Variants in RBFOX1 observed in about 807,000 individuals in gnomAD.
The protein encoded by RBFOX1 is RNA binding fox-1 homolog 1.
In RBFOX1, 8 loss-of-function variants were observed where a neutral mutation model predicts 57.7. That is an observed-to-expected ratio of 0.14 (90% CI 0.08 to 0.25). The LOEUF is 0.25. Among genes scored for constraint, RBFOX1 ranks in the 10% least tolerant of loss-of-function variants. RBFOX1 has a pLI of 1.00. For synonymous variants in RBFOX1, 326 were observed against 222.4 expected (o/e 1.47, Z -4.15); for missense variants, 611 against 548.5 (o/e 1.11, Z -1.14).
At chr16:6,002,623 A>T (rs111718623) in intron 4 of RBFOX1, among the ~76,000 whole-genome samples, 13 of 152,108 alleles carry the variant, frequency 8.5e-5, no homozygotes, top group African/African-American at 2.9e-4. Context: ...GATCTCTGTC[A>T]CTCTTTCTTC....
intron 1 of RBFOX1, among the ~76,000 whole-genome samples, chr16:5,427,036 C>T (rs79993881): frequency 6.6e-6 from 1 of 152,158 alleles, no homozygotes; most frequent in Non-Finnish European, 1.5e-5. Context: ...GCCACCTCCT[C>T]TGTTTTTTTG....
chr16:7,104,744 A>C (rs1344947198), intron 4 of RBFOX1, among the ~76,000 whole-genome samples: 1 of 152,124 alleles, frequency 6.6e-6, no homozygotes, highest in Non-Finnish European at 1.5e-5. Context: ...CATTTTCTTC[A>C]ACCACTTCAT....
chr16:6,968,076 C>G (rs959807037), intron 3 of RBFOX1, among the ~76,000 whole-genome samples: 1 of 152,110 alleles, frequency 6.6e-6, no homozygotes, highest in Non-Finnish European at 1.5e-5. Context: ...CCCTCGGATG[C>G]ATGAGAGAGC....
At position 6,892,775 on chromosome 16, in the gene RBFOX1, C is replaced by CCTCTCTCTCTCT. The variant is rs750285832; in HGVS notation, c.-15-159241_-15-159230dup. The stretch of plus-strand genomic sequence containing the variant: ...CATATTCTCAAAGCCTCCCTGTCTC[C>CCTCTCTCTCTCT]CTCTCTCTCTCTCTCTCTCTCTCTC... On this transcript the variant is annotated intron_variant, in intron 3 of 15. Transcript: ENST00000550418. Among the ~76,000 whole-genome samples the CCTCTCTCTCTCT allele has an allele frequency of 2.4e-3, 205 of 84,488 alleles. 3 individuals are homozygous for CCTCTCTCTCTCT. The highest frequency in any genetic ancestry group is 4.1e-3 in the African/African-American group (80 of 19,550). 55.4% of individuals were successfully genotyped at this position (84,488 alleles called of 152,430 possible).
chr16:7,143,448 G>T (rs1202614496), intron 4 of RBFOX1, among the ~76,000 whole-genome samples: 6 of 152,062 alleles, frequency 3.9e-5, no homozygotes, highest in African/African-American at 1.4e-4. Flanking sequence ...ATGTGCCTCA[G>T]TAATTTAGAA....
intron 2 of RBFOX1, among the ~76,000 whole-genome samples, chr16:6,498,762 T>C (rs1265366813): frequency 1.3e-5 from 2 of 152,210 alleles, no homozygotes; most frequent in African/African-American, 4.8e-5. Context: ...CTATAATAAT[T>C]GGATAATGTT....
intron 3 of RBFOX1, among the ~76,000 whole-genome samples, chr16:6,883,061 T>C (rs1013992380): frequency 1.2e-4 from 19 of 152,210 alleles, no homozygotes; most frequent in African/African-American, 4.3e-4. Flanking sequence ...GCTGTATTCA[T>C]AGATGGCTTC....
chr16:6,411,170 G>A (rs1292580686), intron 2 of RBFOX1, among the ~76,000 whole-genome samples: 1 of 152,094 alleles, frequency 6.6e-6, no homozygotes, highest in African/African-American at 2.4e-5. Flanking sequence ...TTTTGTAGAG[G>A]TGGAGTCTTG....
At chr16:5,951,020 C>G (rs1359394564) in intron 4 of RBFOX1, among the ~76,000 whole-genome samples, 1 of 152,170 alleles carries the variant, frequency 6.6e-6, no homozygotes, top group Non-Finnish European at 1.5e-5. Context: ...CACTGTCTCT[C>G]CAGGTGTAGA....
chr16:6,642,221 C>G (rs1327680106), intron 2 of RBFOX1, among the ~76,000 whole-genome samples: 1 of 152,164 alleles, frequency 6.6e-6, no homozygotes, highest in Non-Finnish European at 1.5e-5. Flanking sequence ...CACAAACTTG[C>G]TGAGAGTTTG....
At chr16:7,343,810 G>C (rs1040562551) in intron 4 of RBFOX1, among the ~76,000 whole-genome samples, 1 of 152,148 alleles carries the variant, frequency 6.6e-6, no homozygotes, top group Non-Finnish European at 1.5e-5. Context: ...CTACCTGTGT[G>C]ACCTTGGCAC....
chr16:6,655,402 AAGAG>A (rs2098642441), intron 3 of RBFOX1, among the ~76,000 whole-genome samples: 2 of 139,948 alleles, frequency 1.4e-5, no homozygotes, highest in Non-Finnish European at 3.1e-5. Context: ...AAAAAAAAAA[AAGAG>A]CTCGCGCTCA....
At chr16:6,842,994 T>C (rs574040814) in intron 3 of RBFOX1, among the ~76,000 whole-genome samples, 9 of 152,272 alleles carry the variant, frequency 5.9e-5, no homozygotes, top group African/African-American at 2.2e-4. Flanking sequence ...TTGCAAAGGA[T>C]ATGATCTCAT....
chr16:7,271,844 A>G (rs1250032507), intron 4 of RBFOX1, among the ~76,000 whole-genome samples: 2 of 151,988 alleles, frequency 1.3e-5, no homozygotes, highest in Non-Finnish European at 2.9e-5. Context: ...TCTCAAAGCT[A>G]TGGCCAAGGC....
intron 2 of RBFOX1, among the ~76,000 whole-genome samples, chr16:6,654,038 A>C (rs1314450124): frequency 1.3e-5 from 2 of 149,532 alleles, no homozygotes; most frequent in Admixed American, 1.3e-4. Context: ...ATGAATGGAT[A>C]GATGGGTGGA....
intron 1 of RBFOX1, among the ~76,000 whole-genome samples, chr16:6,029,537 G>A (rs1448178091): frequency 2.0e-5 from 3 of 152,304 alleles, no homozygotes; most frequent in African/African-American, 4.8e-5. Context: ...ACTTTGGGAG[G>A]CTGAGGCGGG....
chr16:6,384,492 A>G (rs908054821), intron 2 of RBFOX1, among the ~76,000 whole-genome samples: 2 of 151,990 alleles, frequency 1.3e-5, no homozygotes, highest in African/African-American at 4.8e-5. Flanking sequence ...TTTCCTTTCT[A>G]TCTAACATAA....
At chr16:7,143,884 T>C (rs59721616) in intron 4 of RBFOX1, among the ~76,000 whole-genome samples, 95,866 of 152,120 alleles carry the variant, frequency 0.63, 33,709 homozygotes, top group South Asian at 0.8. Flanking sequence ...GAGCTACTAC[T>C]ATATAGTCCC....
chr16:6,584,022 A>T (rs1253881160), intron 2 of RBFOX1, among the ~76,000 whole-genome samples: 1 of 151,756 alleles, frequency 6.6e-6, no homozygotes, highest in Non-Finnish European at 1.5e-5. Flanking sequence ...AAGAAACTCA[A>T]AATTGTAGGA....
Sources: gnomAD v4.1 joint callset for allele counts (sites outside exome capture counted in the v4.1 genomes callset) on GRCh38, gnomAD v4.1.1 for gene constraint, MANE v1.5 for transcripts, NCBI Gene and HGNC (gene_info 2026-07-23, HGNC 2026-07-21) for gene names.